Variants in MYCBP2 observed in about 807,000 individuals in gnomAD.
MYCBP2 encodes MYC binding protein 2, also known as E3 ubiquitin-protein ligase MYCBP2.
MYCBP2 carries 120 observed loss-of-function variants against 525.3 expected under a neutral mutation model. The observed-to-expected ratio is 0.23, with a 90% CI of 0.20 to 0.27. MYCBP2 has a LOEUF of 0.27. Ranked by LOEUF, MYCBP2 falls within the 10% of genes least tolerant of loss-of-function variation. MYCBP2 has a pLI of 1.00. For synonymous variants in MYCBP2, 1,894 were observed against 1,955.8 expected, an observed-to-expected ratio of 0.97 and a Z score of 0.83; for missense variants, 4,149 against 5,657.1, an observed-to-expected ratio of 0.73 and a Z score of 8.55.
At position 77,176,400 on chromosome 13, in the gene MYCBP2, G is replaced by A. The variant is rs545784384; in HGVS notation, c.5472+97C>T. 20 of 1,052,742 alleles carry A rather than the reference G, an allele frequency of 1.9e-5. No individual in the cohort carries two copies. In the East Asian group the frequency reaches 5.4e-4, roughly 29 times the overall value. 65.2% of individuals were successfully genotyped at this position (1,052,742 alleles called of 1,614,324 possible). A position where few individuals can be genotyped will look rare whatever the true frequency, so the allele number is the denominator to read the frequency against. On this transcript the variant is annotated intron_variant, in intron 36 of 82. Coordinates refer to ENST00000544440, the MANE Select transcript of MYCBP2 (RefSeq NM_015057.5). The stretch of plus-strand genomic sequence containing the variant: ...CCATATAAAGGATAACTTACAAATA[G>A]CTATAGGTAACAAACAAAATTCATG...
At chr13:77,191,561 T>C (rs1241778430) in intron 28 of MYCBP2, 118 bp downstream of exon 28, 4 of 1,191,562 alleles carry the variant, frequency 3.4e-6, no homozygotes, top group Non-Finnish European at 4.7e-6. Flanking sequence ...TTAGCAGTTA[T>C]ATTATGCTCT....
chr13:77,229,966 C>T (rs1048973324), intron 18 of MYCBP2, among the ~76,000 whole-genome samples: 2 of 152,146 alleles, frequency 1.3e-5, no homozygotes, highest in Admixed American at 1.3e-4. Flanking sequence ...ACACTATTAA[C>T]ACATTTTTCT....
chr13:77,129,284 A>G (rs554632296), intron 52 of MYCBP2: 1 of 396,486 alleles, frequency 2.5e-6, no homozygotes, highest in South Asian at 1.3e-4. Flanking sequence ...GGAACAGGAT[A>G]TCATCTGCAG....
intron 1 of MYCBP2, among the ~76,000 whole-genome samples, chr13:77,313,525 A>G (rs2080530482): frequency 6.6e-6 from 1 of 152,074 alleles, no homozygotes; most frequent in African/African-American, 2.4e-5. Flanking sequence ...CAAAACTATA[A>G]AACTCTTAGA....
At chr13:77,147,378 A>C (rs1427694758) in intron 47 of MYCBP2, among the ~76,000 whole-genome samples, 1 of 152,116 alleles carries the variant, frequency 6.6e-6, no homozygotes, top group Non-Finnish European at 1.5e-5. Flanking sequence ...GTAAAATGTA[A>C]AGACAAAAAT....
intron 73 of MYCBP2, among the ~76,000 whole-genome samples, chr13:77,063,804 A>G (rs1225342306): frequency 6.6e-6 from 1 of 152,192 alleles, no homozygotes; most frequent in Non-Finnish European, 1.5e-5. Context: ...AGGAAGGGGA[A>G]TGCAGACTGA....
intron 26 of MYCBP2, among the ~76,000 whole-genome samples, chr13:77,204,190 C>CA (rs2063002635): frequency 6.6e-6 from 1 of 151,360 alleles, no homozygotes; most frequent in African/African-American, 2.4e-5. Context: ...GAACTCAAAC[C>CA]AATTTACAAG....
chr13:77,100,954 A>C (rs2046977861), intron 55 of MYCBP2, among the ~76,000 whole-genome samples: 1 of 152,078 alleles, frequency 6.6e-6, no homozygotes, highest in Non-Finnish European at 1.5e-5. Context: ...TAGTTCAAAA[A>C]ATTGCTACCC....
intron 14 of MYCBP2, among the ~76,000 whole-genome samples, chr13:77,253,728 A>G (rs1237400626): frequency 2.0e-5 from 3 of 151,994 alleles, no homozygotes; most frequent in Admixed American, 2.0e-4. Flanking sequence ...TTATACTTCA[A>G]TGTAACAAAT....
In MYCBP2 at chr13:77,149,539, T is replaced by C. The variant is rs183328101; in HGVS notation, c.7131+1195A>G. Among the ~76,000 whole-genome samples the C allele has an allele frequency of 8.5e-5, 13 of 152,284 alleles. No individual in the cohort carries two copies. In the East Asian group the frequency reaches 2.5e-3, roughly 29 times the overall value. Reference sequence around the variant, plus strand: ...TCTATTCCCATGACTTCATAAGTAATGTAAGTGCTAATGATTCCTGAATCC... The same window carrying C: ...TCTATTCCCATGACTTCATAAGTAACGTAAGTGCTAATGATTCCTGAATCC... On this transcript the variant is annotated intron_variant, in intron 47 of 82. Transcript: ENST00000544440.
chr13:77,294,123 T>TATATATATATAC (rs1555465740), intron 2 of MYCBP2, among the ~76,000 whole-genome samples: 1 of 66,318 alleles, frequency 1.5e-5, no homozygotes, highest in Admixed American at 2.3e-4. Flanking sequence ...TATATATATA[T>TATATATATATAC]ATATATACAT....
At chr13:77,055,143 A>G (rs1044358850) in intron 80 of MYCBP2, among the ~76,000 whole-genome samples, 4 of 149,426 alleles carry the variant, frequency 2.7e-5, no homozygotes, top group African/African-American at 9.7e-5. Flanking sequence ...AAAAAAAAAA[A>G]AAGAAGAAGT....
chr13:77,248,767 T>C lies in MYCBP2; in HGVS notation c.2381+2384A>G, dbSNP rs78092558. 8.7e-3 allele frequency among the ~76,000 whole-genome samples: 1,329 copies of C among 152,272 alleles called. 22 individuals carry two copies. The highest frequency in any genetic ancestry group is 0.03 in the African/African-American group (1,237 of 41,560). ...TCCAACAATTCCACTTCTGGGTATA[T>C]GCCCAAAAGAACTGAAAACAGGGTC... On this transcript the variant is annotated intron_variant, in intron 15 of 82. Transcript: ENST00000544440.
rs994233746 is a variant in MYCBP2, at chr13:77,217,341, T to G, written c.3057+499A>C. ...AGCATTTTCACTCTTTAAGCTTTGGTGCAGAGAGAGGGAGAGAATGTGCAC... is the reference window on the plus strand; with the variant it reads ...AGCATTTTCACTCTTTAAGCTTTGGGGCAGAGAGAGGGAGAGAATGTGCAC... On this transcript the variant is annotated intron_variant, in intron 21 of 82. Transcript: ENST00000544440. Among the ~76,000 whole-genome samples the G allele has an allele frequency of 2.6e-5, 4 of 152,202 alleles. No individual in the cohort carries two copies. The South Asian group carries it at 8.3e-4, about 32-fold the overall frequency.
intron 14 of MYCBP2, among the ~76,000 whole-genome samples, chr13:77,257,447 C>A (rs529312464): frequency 6.6e-6 from 1 of 151,950 alleles, no homozygotes; most frequent in East Asian, 1.9e-4. Flanking sequence ...CCCCATTTAC[C>A]CTGTGATTAT....
At chr13:77,174,029 A>G (rs2059384365) in intron 37 of MYCBP2, among the ~76,000 whole-genome samples, 1 of 152,254 alleles carries the variant, frequency 6.6e-6, no homozygotes, top group South Asian at 2.1e-4. Context: ...TGCAGACCAG[A>G]AATTATAGAG....
At chr13:77,202,662 C>G (rs868610983) in intron 26 of MYCBP2, among the ~76,000 whole-genome samples, 1 of 151,572 alleles carries the variant, frequency 6.6e-6, no homozygotes, top group African/African-American at 2.4e-5. Flanking sequence ...ACTGGCAAAA[C>G]GAATCCAGCA....
chr13:77,077,531 TTA>T (rs1156819897), intron 66 of MYCBP2, 144 bp from the exon 67 acceptor site: 2 of 959,472 alleles, frequency 2.1e-6, no homozygotes, highest in African/African-American at 3.3e-5. Flanking sequence ...ACTGATTTTC[TTA>T]TTTCAACCAG....
rs763386245 is a variant in MYCBP2 at position 77,180,329 on chromosome 13, T to C, written c.4942-11A>G. The C allele has an allele frequency of 1.9e-5, 31 of 1,611,500 alleles. No individual in the cohort carries two copies. The highest frequency in any genetic ancestry group is 2.7e-5 in the African/African-American group (2 of 74,778). On this transcript the variant is annotated splice_polypyrimidine_tract_variant and intron_variant, in intron 33 of 82. Coordinates refer to ENST00000544440, the MANE Select transcript of MYCBP2 (RefSeq NM_015057.5). ...GATATTCTCTTCACTCTGCGATACA[T>C]AAGAAAAAGTTCTAAGGTATTGTTT...
Sources: gnomAD v4.1 joint callset for allele counts (sites outside exome capture counted in the v4.1 genomes callset) on GRCh38, gnomAD v4.1.1 for gene constraint, MANE v1.5 for transcripts, NCBI Gene and HGNC (gene_info 2026-07-23, HGNC 2026-07-21) for gene names.